DIAPH3: variants seen among roughly 807,000 people sequenced by gnomAD.
The protein encoded by DIAPH3 is diaphanous related formin 3, also known as protein diaphanous homolog 3.
Under a neutral mutation model 144.3 loss-of-function variants are expected in DIAPH3, and 117 were observed. The observed-to-expected ratio is 0.81, with a 90% CI of 0.70 to 0.95. The LOEUF is 0.95. Ranked by LOEUF, DIAPH3 falls within the 40% of genes least tolerant of loss-of-function variation. The pLI is 0.00. For missense variants in DIAPH3, 1,421 were observed against 1,412.7 expected, an observed-to-expected ratio of 1.01 and a Z score of -0.09; for synonymous variants, 519 against 488.9, an observed-to-expected ratio of 1.06 and a Z score of -0.81.
At chr13:59,789,626 G>A (rs919210985) in intron 25 of DIAPH3, among the ~76,000 whole-genome samples, 3 of 152,130 alleles carry the variant, frequency 2.0e-5, no homozygotes, top group South Asian at 2.1e-4. Context: ...TTGAGGCCAC[G>A]AGGAGCCAGT....
intron 5 of DIAPH3, among the ~76,000 whole-genome samples, chr13:60,036,218 G>A (rs1235292597): frequency 1.3e-5 from 2 of 152,070 alleles, no homozygotes; most frequent in East Asian, 3.9e-4. Flanking sequence ...CTTTATAATA[G>A]TCTCACCATC....
intron 4 of DIAPH3, among the ~76,000 whole-genome samples, chr13:60,068,250 G>A (rs2057051399): frequency 6.6e-6 from 1 of 152,112 alleles, no homozygotes; most frequent in African/African-American, 2.4e-5. Context: ...GGGTCAATGA[G>A]AATGCATATT....
chr13:59,934,615 T>C (rs914760360), intron 17 of DIAPH3, among the ~76,000 whole-genome samples: 5 of 152,202 alleles, frequency 3.3e-5, no homozygotes, highest in Non-Finnish European at 7.3e-5. Flanking sequence ...ATAAAGAGTA[T>C]CAAAATTTGA....
chr13:59,771,587 A>G (rs933605936), intron 27 of DIAPH3, among the ~76,000 whole-genome samples: 6 of 152,122 alleles, frequency 3.9e-5, no homozygotes, highest in African/African-American at 1.2e-4. Flanking sequence ...ATGTATGCAT[A>G]TAAGTCACCA....
At chr13:59,885,644 A>C (rs2140094975) in intron 20 of DIAPH3, among the ~76,000 whole-genome samples, 1 of 152,162 alleles carries the variant, frequency 6.6e-6, no homozygotes, top group South Asian at 2.1e-4. Context: ...GAGACCCACA[A>C]AAGGTATGTC....
At chr13:60,031,407 T>C (rs1434209829) in intron 5 of DIAPH3, among the ~76,000 whole-genome samples, 2 of 152,202 alleles carry the variant, frequency 1.3e-5, no homozygotes, top group African/African-American at 4.8e-5. Flanking sequence ...AAATATCCAA[T>C]CTGTATCAGT....
Position 59,859,328 on chromosome 13 carries a change from G to A in DIAPH3, c.2737+2079C>T, listed in dbSNP as rs531596779. 6.6e-5 allele frequency among the ~76,000 whole-genome samples: 10 copies of A among 151,972 alleles called. No individual in the cohort carries two copies. In the East Asian group the frequency reaches 1.7e-3, roughly 26 times the overall value. On this transcript the variant is annotated intron_variant, in intron 22 of 27. Coordinates refer to ENST00000400324, the MANE Select transcript of DIAPH3 (RefSeq NM_001042517.2). Reference sequence around the variant, plus strand: ...CTAAAAAGTCCCAAAACCCCAGAACGCCCTGCTGAAACACAAAAACAACAA... The same window carrying A: ...CTAAAAAGTCCCAAAACCCCAGAACACCCTGCTGAAACACAAAAACAACAA...
intron 27 of DIAPH3, among the ~76,000 whole-genome samples, chr13:59,727,247 C>T (rs993984381): frequency 2.0e-5 from 3 of 152,096 alleles, no homozygotes; most frequent in Admixed American, 6.5e-5. Flanking sequence ...GTTTAGGAAA[C>T]TGGTAAATGA....
intron 25 of DIAPH3, among the ~76,000 whole-genome samples, chr13:59,790,873 C>T (rs543055746): frequency 2.6e-5 from 4 of 152,138 alleles, no homozygotes; most frequent in Admixed American, 6.6e-5. Context: ...TCCCTCCCCC[C>T]GCTCCACAAC....
intron 25 of DIAPH3, among the ~76,000 whole-genome samples, chr13:59,788,864 TCCA>T (rs1442017781): frequency 7.9e-5 from 12 of 152,206 alleles, no homozygotes; most frequent in Non-Finnish European, 1.5e-5. Flanking sequence ...TAGCAATTAT[TCCA>T]CCACATGGTG....
chr13:60,110,010 G>T (rs1719729579), intron 3 of DIAPH3, among the ~76,000 whole-genome samples: 1 of 152,130 alleles, frequency 6.6e-6, no homozygotes, highest in Non-Finnish European at 1.5e-5. Flanking sequence ...ACAGAAACTA[G>T]ACTATTACCC....
chr13:59,736,697 C>T (rs2139017239), intron 27 of DIAPH3, among the ~76,000 whole-genome samples: 1 of 152,218 alleles, frequency 6.6e-6, no homozygotes, highest in East Asian at 1.9e-4. Context: ...CCCAAATAGT[C>T]AAGGCAATCC....
chr13:60,157,726 A>G (rs181129076), intron 1 of DIAPH3, among the ~76,000 whole-genome samples: 3 of 152,184 alleles, frequency 2.0e-5, no homozygotes, highest in Middle Eastern at 3.4e-3. Context: ...TATTCTTCTG[A>G]GAAGTATTGC....
At chr13:60,039,701 A>T (rs899991768) in intron 5 of DIAPH3, among the ~76,000 whole-genome samples, 2 of 152,166 alleles carry the variant, frequency 1.3e-5, no homozygotes, top group Non-Finnish European at 2.9e-5. Context: ...CAGACATTTT[A>T]AAAACTTTAA....
chr13:60,059,211 G>C (rs1435254722), intron 4 of DIAPH3, among the ~76,000 whole-genome samples: 1 of 151,632 alleles, frequency 6.6e-6, no homozygotes, highest in Non-Finnish European at 1.5e-5. Flanking sequence ...TAGAAGCCAG[G>C]AGAGAAGCAG....
rs139629009 is a variant in DIAPH3, at chr13:59,859,102, A to T, written c.2737+2305T>A. Among the ~76,000 whole-genome samples the T allele has an allele frequency of 3.1e-4, 47 of 152,330 alleles. 2 individuals carry two copies. In the East Asian group the frequency reaches 8.3e-3, roughly 27 times the overall value. Reference sequence around the variant, plus strand: ...CAAACACACTTACCTCATTCAAAATATTACATTTTCTCCTCAAATCTCATT... The same window carrying T: ...CAAACACACTTACCTCATTCAAAATTTTACATTTTCTCCTCAAATCTCATT... On this transcript the variant is annotated intron_variant, in intron 22 of 27. Transcript: ENST00000400324.
intron 5 of DIAPH3, among the ~76,000 whole-genome samples, chr13:60,038,461 C>G (rs1280614392): frequency 6.6e-6 from 1 of 152,092 alleles, no homozygotes; most frequent in Non-Finnish European, 1.5e-5. Flanking sequence ...AGATGTTCCA[C>G]CTGCTTTGTG....
At chr13:60,133,055 G>A (rs533629577) in intron 1 of DIAPH3, 66 bp from the exon 2 acceptor site, 325 of 1,152,508 alleles carry the variant, frequency 2.8e-4, no homozygotes, top group Non-Finnish European at 1.1e-4. Context: ...AGTTAATAGG[G>A]TACATTCAAA....
intron 27 of DIAPH3, among the ~76,000 whole-genome samples, chr13:59,763,589 T>C (rs552523859): frequency 2.0e-5 from 3 of 152,008 alleles, no homozygotes; most frequent in Non-Finnish European, 4.4e-5. Context: ...AAGGCTGACG[T>C]GGATGGATGG....
Sources: allele counts gnomAD v4.1 joint callset (sites outside exome capture counted in the v4.1 genomes callset), GRCh38; gene constraint gnomAD v4.1.1; transcripts MANE v1.5; gene names NCBI Gene and HGNC (gene_info 2026-07-23, HGNC 2026-07-21).